Variants in EYS observed in about 807,000 individuals in gnomAD.
EYS encodes protein eyes shut homolog.
In EYS, 250 loss-of-function variants were observed where a neutral mutation model predicts 282.1. The ratio of observed to expected loss-of-function variants is 0.89; its 90% confidence interval spans 0.80 to 0.98. EYS has a LOEUF of 0.98. Among genes scored for constraint, EYS ranks in the 50% least tolerant of loss-of-function variants. The pLI is 0.00. For synonymous variants in EYS, 1,355 were observed against 1,282.9 expected (o/e 1.06, Z -1.20); for missense variants, 4,016 against 3,709.0 (o/e 1.08, Z -2.15).
chr6:65,421,433 G>T (rs1767450991), intron 5 of EYS, among the ~76,000 whole-genome samples: 1 of 151,824 alleles, frequency 6.6e-6, no homozygotes, highest in African/African-American at 2.4e-5. Flanking sequence ...TTGAGGAAAT[G>T]TTGTGGCTGG....
intron 35 of EYS, among the ~76,000 whole-genome samples, chr6:63,875,645 C>A (rs1346158343): frequency 6.6e-6 from 1 of 152,128 alleles, no homozygotes; most frequent in Non-Finnish European, 1.5e-5. Context: ...GCCTCAATTT[C>A]AGAACCTGTT....
At chr6:63,782,928 CT>C (rs60063574) in intron 39 of EYS, among the ~76,000 whole-genome samples, 21,300 of 145,186 alleles carry the variant, frequency 0.15, 1,726 homozygotes, top group African/African-American at 0.22. Flanking sequence ...TAAGTAATAG[CT>C]TTTTTTTTTA....
intron 21 of EYS, among the ~76,000 whole-genome samples, chr6:64,814,078 T>C (rs1437101318): frequency 6.6e-6 from 1 of 152,064 alleles, no homozygotes; most frequent in African/African-American, 2.4e-5. Flanking sequence ...GTAAAATAGC[T>C]AAAACATCTG....
At chr6:63,888,931 T>C (rs1390452369) in intron 35 of EYS, among the ~76,000 whole-genome samples, 1 of 152,152 alleles carries the variant, frequency 6.6e-6, no homozygotes, top group Non-Finnish European at 1.5e-5. Flanking sequence ...GTAACCAGTT[T>C]AGAGAAGAAC....
At chr6:65,660,264 A>T (rs1358076892) in intron 1 of EYS, among the ~76,000 whole-genome samples, 2 of 151,746 alleles carry the variant, frequency 1.3e-5, no homozygotes, top group East Asian at 3.8e-4. Context: ...CCCTGTTTTA[A>T]GTATGAATCC....
chr6:65,678,875 T>C (rs1437592140), intron 1 of EYS, among the ~76,000 whole-genome samples: 1 of 150,316 alleles, frequency 6.7e-6, no homozygotes, highest in African/African-American at 2.4e-5. Flanking sequence ...TAAATCTTTT[T>C]AAACAGGAAA....
intron 28 of EYS, among the ~76,000 whole-genome samples, chr6:64,423,430 T>TTTCTAATTAGTTCTAATTAG (rs1207976694): frequency 2.0e-5 from 3 of 152,218 alleles, no homozygotes; most frequent in African/African-American, 7.2e-5. Context: ...ATACACAATG[T>TTTCTAATTAGTTCTAATTAG]TTCTAATTAG....
intron 29 of EYS, among the ~76,000 whole-genome samples, chr6:64,342,127 G>T (rs1224195717): frequency 1.3e-5 from 2 of 151,566 alleles, no homozygotes; most frequent in Non-Finnish European, 3.0e-5. Context: ...CATAGTTATA[G>T]AATGAAATAA....
At position 64,751,390 on chromosome 6, in the gene EYS, G is replaced by C. The variant is rs147182016; in HGVS notation, c.3443+61988C>G. On this transcript the variant is annotated intron_variant, in intron 22 of 42. Coordinates refer to ENST00000503581, the MANE Select transcript of EYS (RefSeq NM_001142800.2). ...TTCTTCCAATGCAGAGAACTTGGAG[G>C]AGTGGAGGTTTCTCCACTCCACACC... Among the ~76,000 whole-genome samples the C allele has an allele frequency of 4.4e-3, 675 of 152,250 alleles. 6 individuals carry two copies. The highest frequency in any genetic ancestry group is 0.015 in the African/African-American group (644 of 41,574).
intron 26 of EYS, among the ~76,000 whole-genome samples, chr6:64,527,817 T>C (rs981469567): frequency 2.6e-5 from 4 of 151,664 alleles, no homozygotes; most frequent in African/African-American, 9.7e-5. Flanking sequence ...ATAGCTCCAA[T>C]AGAAAATATA....
rs1369556270 is a variant in EYS at position 64,127,933 on chromosome 6, AT to A, written c.6425-45932del. Among the ~76,000 whole-genome samples the A allele has an allele frequency of 6.6e-5, 10 of 152,266 alleles. 1 individual carries two copies. The South Asian group carries it at 2.1e-3, about 32-fold the overall frequency. ...AAAATGGTCTTGATATTTTGAAATA[AT>A]TTTAACAAGGGATATTAAATATAAC... On this transcript the variant is annotated intron_variant, in intron 31 of 42. Transcript: ENST00000503581.
At chr6:65,510,091 T>C (rs1462557157) in intron 2 of EYS, among the ~76,000 whole-genome samples, 1 of 151,600 alleles carries the variant, frequency 6.6e-6, no homozygotes, top group Non-Finnish European at 1.5e-5. Flanking sequence ...TACATATGTA[T>C]ACATGTGCCA....
At chr6:65,086,651 C>A in intron 12 of EYS, among the ~76,000 whole-genome samples, 1 of 152,046 alleles carries the variant, frequency 6.6e-6, no homozygotes, top group East Asian at 1.9e-4. Context: ...ACTGGTAAAA[C>A]GAGTCAGTGG....
chr6:64,547,729 C>T lies in EYS; in HGVS notation c.5644+42494G>A, dbSNP rs535748092. 3.9e-5 allele frequency among the ~76,000 whole-genome samples: 6 copies of T among 152,362 alleles called. No homozygotes were observed. The South Asian group carries it at 8.3e-4, about 21-fold the overall frequency. On this transcript the variant is annotated intron_variant, in intron 26 of 42. Transcript: ENST00000503581. ...CAGTCCTGCACCATGCACCCTCACTCCTCAGCCCTTGGGTGGTCGATGGGA... is the reference window on the plus strand; with the variant it reads ...CAGTCCTGCACCATGCACCCTCACTTCTCAGCCCTTGGGTGGTCGATGGGA...
intron 22 of EYS, among the ~76,000 whole-genome samples, chr6:64,766,649 A>AAAAAATATATATATATATATATAT (rs1387919586): frequency 5.2e-5 from 1 of 19,050 alleles, no homozygotes; most frequent in Non-Finnish European, 1.0e-4. Flanking sequence ...AAAAAAAAAA[A>AAAAAATATATATATATATATATAT]ATATATATAT....
At chr6:65,563,454 G>A (rs1229581129) in intron 2 of EYS, among the ~76,000 whole-genome samples, 1 of 151,762 alleles carries the variant, frequency 6.6e-6, no homozygotes, top group African/African-American at 2.4e-5. Flanking sequence ...TTTCATGTAT[G>A]ATCAAAATTT....
chr6:64,287,851 C>A (rs1229325363), intron 30 of EYS, among the ~76,000 whole-genome samples: 1 of 152,094 alleles, frequency 6.6e-6, no homozygotes, highest in African/African-American at 2.4e-5. Flanking sequence ...TATGAAGTAA[C>A]CCTATGGAGA....
intron 11 of EYS, among the ~76,000 whole-genome samples, chr6:65,325,592 T>G (rs1270724941): frequency 6.6e-6 from 1 of 152,034 alleles, no homozygotes; most frequent in Non-Finnish European, 1.5e-5. Flanking sequence ...ATTCAAAAGG[T>G]AGAATCAGAT....
intron 22 of EYS, among the ~76,000 whole-genome samples, chr6:64,712,304 G>A (rs1313419169): frequency 6.6e-6 from 1 of 152,224 alleles, no homozygotes; most frequent in Non-Finnish European, 1.5e-5. Context: ...AAGGTAGGTG[G>A]AGTATACTTC....
Sources: gnomAD v4.1 joint callset for allele counts (sites outside exome capture counted in the v4.1 genomes callset) on GRCh38, gnomAD v4.1.1 for gene constraint, MANE v1.5 for transcripts, NCBI Gene and HGNC (gene_info 2026-07-23, HGNC 2026-07-21) for gene names.